CAMTA1: variants seen among roughly 807,000 people sequenced by gnomAD.
CAMTA1 encodes the protein calmodulin binding transcription activator 1.
Under a neutral mutation model 170.9 loss-of-function variants are expected in CAMTA1, and 27 were observed. The ratio of observed to expected loss-of-function variants is 0.16; its 90% CI spans 0.12 to 0.22. The LOEUF is 0.22. Among genes scored for constraint, CAMTA1 ranks in the 10% least tolerant of loss-of-function variants. CAMTA1 has a pLI of 1.00. For synonymous variants in CAMTA1, 833 were observed against 891.5 expected (o/e 0.93, Z 1.17); for missense variants, 1,619 against 2,217.2 (o/e 0.73, Z 5.42).
chr1:7,469,567 C>T (rs894127558), intron 6 of CAMTA1, among the ~76,000 whole-genome samples: 1 of 152,202 alleles, frequency 6.6e-6, no homozygotes, highest in Admixed American at 6.5e-5. Context: ...GGTTTCATGC[C>T]CCCTGGTCAG....
chr1:7,045,019 A>G (rs4074964), intron 3 of CAMTA1, among the ~76,000 whole-genome samples: 46,509 of 151,942 alleles, frequency 0.31, 7,300 homozygotes, highest in African/African-American at 0.36. Flanking sequence ...AGACTCCTGT[A>G]AGAGAGTCTG....
At chr1:7,659,304 G>A (rs1020186793) in intron 7 of CAMTA1, among the ~76,000 whole-genome samples, 1 of 152,046 alleles carries the variant, frequency 6.6e-6, no homozygotes, top group African/African-American at 2.4e-5. Flanking sequence ...GGAGGCCAAA[G>A]GGGGGTGGAT....
chr1:6,985,068 T>TTAGG (rs1362466190), intron 3 of CAMTA1, among the ~76,000 whole-genome samples: 4 of 152,212 alleles, frequency 2.6e-5, no homozygotes, highest in African/African-American at 9.7e-5. Context: ...CAGATGCCTG[T>TTAGG]TAGGTCCCAG....
chr1:6,812,836 T>A (rs911906627), intron 1 of CAMTA1, among the ~76,000 whole-genome samples: 1 of 152,244 alleles, frequency 6.6e-6, no homozygotes, highest in African/African-American at 2.4e-5. Flanking sequence ...TTAGTTCCTG[T>A]GTCAGCCTCT....
rs2095111349 is a variant in CAMTA1 at position 7,570,420 on chromosome 1, C to A, written c.511-69980C>A. 6.6e-6 allele frequency among the ~76,000 whole-genome samples: 1 copy of A among 152,224 alleles called. No homozygotes were observed. Among genetic ancestry groups the A allele is most frequent in the South Asian group, 2.1e-4 (1 of 4,830 alleles). On this transcript the variant is annotated intron_variant, in intron 6 of 22. Transcript: ENST00000303635. This position sits in a 1 kb window ranked among gnomAD's most constrained non-coding sequence, Gnocchi z 4.3. Reference sequence around the variant, plus strand: ...GGGAGGAAGCACGGGGAGGAGGAAGCCAGGGGCAAACCCGGACCAGCCCGT... The same window carrying A: ...GGGAGGAAGCACGGGGAGGAGGAAGACAGGGGCAAACCCGGACCAGCCCGT...
chr1:7,393,303 T>C (rs900032984), intron 5 of CAMTA1, among the ~76,000 whole-genome samples: 2 of 152,056 alleles, frequency 1.3e-5, no homozygotes, highest in Admixed American at 1.3e-4. Flanking sequence ...CCTACTCTGT[T>C]ACCCAGGCTG....
chr1:6,807,817 C>G (rs752283741), intron 1 of CAMTA1, among the ~76,000 whole-genome samples: 5 of 151,806 alleles, frequency 3.3e-5, no homozygotes, highest in Non-Finnish European at 5.9e-5. Context: ...AACATTTTTC[C>G]TAGACTTTGA....
At chr1:7,087,388 C>T (rs2148091118) in intron 3 of CAMTA1, among the ~76,000 whole-genome samples, 1 of 152,278 alleles carries the variant, frequency 6.6e-6, no homozygotes, top group Middle Eastern at 3.4e-3. Context: ...AAGCTTGATC[C>T]TGCTGGAAGG....
intron 5 of CAMTA1, among the ~76,000 whole-genome samples, chr1:7,366,440 GGCCCCAT>G (rs1461922859): frequency 2.0e-5 from 3 of 152,238 alleles, no homozygotes; most frequent in African/African-American, 7.2e-5. Context: ...ATAGCTGTGT[GGCCCCAT>G]GCTGATGCTG....
chr1:7,398,670 G>A (rs2089639994), intron 5 of CAMTA1, among the ~76,000 whole-genome samples: 1 of 152,024 alleles, frequency 6.6e-6, no homozygotes, highest in African/African-American at 2.4e-5. Flanking sequence ...ACTTACTCCT[G>A]CCATTTTTAA....
At position 7,041,176 on chromosome 1, in the gene CAMTA1, AC is replaced by A. The variant is rs1704396897; in HGVS notation, c.235-50125del. ...GCCAGTGCGGGCGACGGTGTCAGCC[AC>A]CCTTGGTTCATTTTCTACACGAGGC... On this transcript the variant is annotated intron_variant, in intron 3 of 22. Transcript: ENST00000303635. The surrounding 1 kb of genome is among the most constrained non-coding windows in gnomAD (Gnocchi z 5.1). 6.6e-6 allele frequency among the ~76,000 whole-genome samples: 1 copy of A among 152,234 alleles called. No individual in the cohort carries two copies. The highest frequency in any genetic ancestry group is 2.1e-4 in the South Asian group (1 of 4,832).
At chr1:6,879,811 T>C (rs1259814636) in intron 3 of CAMTA1, among the ~76,000 whole-genome samples, 1 of 150,754 alleles carries the variant, frequency 6.6e-6, no homozygotes, top group Admixed American at 6.6e-5. Flanking sequence ...TTTTTGGCTT[T>C]GTAGAGACGG....
chr1:7,288,333 C>T (rs1051111918), intron 5 of CAMTA1, among the ~76,000 whole-genome samples: 1 of 152,200 alleles, frequency 6.6e-6, no homozygotes, highest in African/African-American at 2.4e-5. Context: ...AGCACTTTAT[C>T]TCTATTTTAC....
At chr1:6,808,780 A>G (rs1644828639) in intron 1 of CAMTA1, among the ~76,000 whole-genome samples, 1 of 152,160 alleles carries the variant, frequency 6.6e-6, no homozygotes, top group African/African-American at 2.4e-5. Flanking sequence ...GTCGGGAGAA[A>G]ATCACTTCTG....
chr1:7,270,120 A>C (rs1669474531), intron 5 of CAMTA1, among the ~76,000 whole-genome samples: 1 of 151,780 alleles, frequency 6.6e-6, no homozygotes, highest in Non-Finnish European at 1.5e-5. Flanking sequence ...AGACATTTTT[A>C]GACCAAAAAA....
Position 7,738,795 on chromosome 1 carries a change from T to A in CAMTA1, c.4182+313T>A, listed in dbSNP as rs2096789341. ...GCTTCCTCCTTGCATTTAGGTTGATTGATTTCACTGTTTTAAGTACTAGTT... is the reference window on the plus strand; with the variant it reads ...GCTTCCTCCTTGCATTTAGGTTGATAGATTTCACTGTTTTAAGTACTAGTT... On this transcript the variant is annotated intron_variant, in intron 16 of 22. Transcript: ENST00000303635. This position sits in a 1 kb window ranked among gnomAD's most constrained non-coding sequence, Gnocchi z 4.9. Among the ~76,000 whole-genome samples, 1 of 152,146 alleles carries A rather than the reference T, an allele frequency of 6.6e-6. No individual in the cohort carries two copies. Among genetic ancestry groups the A allele is most frequent in the Admixed American group, 6.5e-5 (1 of 15,276 alleles).
chr1:6,838,519 C>G (rs1174752659), intron 3 of CAMTA1, among the ~76,000 whole-genome samples: 1 of 152,184 alleles, frequency 6.6e-6, no homozygotes, highest in Non-Finnish European at 1.5e-5. Flanking sequence ...GGCCAAACCA[C>G]TCTGAACTCT....
chr1:7,445,625 C>T (rs111436866), intron 5 of CAMTA1, among the ~76,000 whole-genome samples: 4,940 of 152,214 alleles, frequency 0.032, 246 homozygotes, highest in African/African-American at 0.11. Flanking sequence ...CACCTGACGC[C>T]GGAGGAGCCA....
chr1:7,231,965 A>G (rs1415288373), intron 4 of CAMTA1, among the ~76,000 whole-genome samples: 2 of 152,260 alleles, frequency 1.3e-5, no homozygotes, highest in Admixed American at 1.3e-4. Context: ...AGACCCCAGC[A>G]GCAGGGATGG....
Sources: gnomAD v4.1 joint callset for allele counts (sites outside exome capture counted in the v4.1 genomes callset) on GRCh38, gnomAD v4.1.1 for gene constraint, Gnocchi (gnomAD v3.1) non-coding constraint, MANE v1.5 for transcripts, NCBI Gene and HGNC (gene_info 2026-07-23, HGNC 2026-07-21) for gene names.